Variants in DPP10 observed in about 807,000 individuals in gnomAD.
DPP10 encodes inactive dipeptidyl peptidase 10.
Under a neutral mutation model 120.9 loss-of-function variants are expected in DPP10, and 33 were observed. The ratio of observed to expected loss-of-function variants is 0.27; its 90% CI spans 0.21 to 0.37. The LOEUF (loss-of-function observed/expected upper bound fraction) is 0.37, where lower values mean the gene tolerates loss of function less well. DPP10 is among the 10% of genes least tolerant of loss of function. DPP10 has a pLI of 1.00. For synonymous variants in DPP10, 337 were observed against 326.1 expected, an observed-to-expected ratio of 1.03 and a Z score of -0.36; for missense variants, 816 against 942.8, an observed-to-expected ratio of 0.87 and a Z score of 1.76.
chr2:114,522,780 G>C (rs558427932), intron 1 of DPP10, among the ~76,000 whole-genome samples: 5 of 152,240 alleles, frequency 3.3e-5, no homozygotes, highest in South Asian at 2.1e-4. Context: ...TCACAATCAC[G>C]GCAGAAGGCA....
chr2:115,832,070 C>T (rs1688983412), intron 21 of DPP10, among the ~76,000 whole-genome samples: 1 of 152,172 alleles, frequency 6.6e-6, no homozygotes, highest in Non-Finnish European at 1.5e-5. Flanking sequence ...CTTATATCTA[C>T]CTAGAACTTA....
At chr2:115,366,534 A>G (rs1453541193) in intron 3 of DPP10, among the ~76,000 whole-genome samples, 1 of 152,134 alleles carries the variant, frequency 6.6e-6, no homozygotes, top group Admixed American at 6.6e-5. Context: ...TTGTTTTAGA[A>G]AAATATCTAG....
chr2:114,929,441 A>G (rs1431373932), intron 1 of DPP10, among the ~76,000 whole-genome samples: 1 of 152,160 alleles, frequency 6.6e-6, no homozygotes, highest in African/African-American at 2.4e-5. Context: ...CATAAGACAG[A>G]CACTCCCAGA....
chr2:115,427,421 T>G (rs1417468926), intron 3 of DPP10, among the ~76,000 whole-genome samples: 9 of 152,208 alleles, frequency 5.9e-5, no homozygotes, highest in Middle Eastern at 3.2e-3. Context: ...TTGCCAAACC[T>G]TCACTCTCGC....
At chr2:114,449,464 T>G (rs1281173085) in intron 1 of DPP10, among the ~76,000 whole-genome samples, 2 of 147,218 alleles carry the variant, frequency 1.4e-5, no homozygotes, top group Admixed American at 6.7e-5. Context: ...CACTCTGATG[T>G]TTTTCTTTTT....
intron 7 of DPP10, among the ~76,000 whole-genome samples, chr2:115,718,614 TG>T (rs2092565234): frequency 6.6e-6 from 1 of 152,228 alleles, no homozygotes; most frequent in Non-Finnish European, 1.5e-5. Flanking sequence ...CCTAAATTAA[TG>T]CCCTCATCCA....
At chr2:114,452,921 G>A (rs919171435) in intron 1 of DPP10, among the ~76,000 whole-genome samples, 11 of 152,142 alleles carry the variant, frequency 7.2e-5, no homozygotes, top group African/African-American at 2.4e-4. Context: ...CCAGTAGACA[G>A]AGTGGTTTCT....
chr2:114,963,448 G>A (rs913929319), intron 1 of DPP10, among the ~76,000 whole-genome samples: 3 of 152,048 alleles, frequency 2.0e-5, no homozygotes, highest in Non-Finnish European at 4.4e-5. Flanking sequence ...ACATCGATTC[G>A]GTAGTTAGAC....
chr2:115,263,839 A>T (rs2059351377), intron 1 of DPP10, among the ~76,000 whole-genome samples: 1 of 152,056 alleles, frequency 6.6e-6, no homozygotes, highest in Non-Finnish European at 1.5e-5. Context: ...TTGAAACTTT[A>T]TTTTTTTCTT....
At chr2:115,510,300 A>G (rs918486928) in intron 4 of DPP10, among the ~76,000 whole-genome samples, 6 of 152,140 alleles carry the variant, frequency 3.9e-5, no homozygotes, top group Non-Finnish European at 7.4e-5. Context: ...TTCTATGTTT[A>G]GTTCTATGAT....
intron 1 of DPP10, among the ~76,000 whole-genome samples, chr2:115,197,169 G>A (rs553166424): frequency 4.6e-5 from 7 of 152,134 alleles, no homozygotes; most frequent in South Asian, 2.1e-4. Flanking sequence ...CGAGGAGGGC[G>A]GATCATGAGG....
intron 1 of DPP10, among the ~76,000 whole-genome samples, chr2:114,527,211 G>A (rs1246828612): frequency 6.6e-6 from 1 of 152,164 alleles, no homozygotes; most frequent in Non-Finnish European, 1.5e-5. Flanking sequence ...TGTGTTAAAT[G>A]TGGGGTCACT....
At chr2:114,854,786 T>C (rs1453455097) in intron 1 of DPP10, among the ~76,000 whole-genome samples, 3 of 152,226 alleles carry the variant, frequency 2.0e-5, no homozygotes, top group South Asian at 2.1e-4. Context: ...ATTTCTTTTA[T>C]ATTCTTTAAT....
At chr2:114,818,937 T>C (rs1024965273) in intron 1 of DPP10, among the ~76,000 whole-genome samples, 14 of 152,204 alleles carry the variant, frequency 9.2e-5, no homozygotes, top group Non-Finnish European at 1.9e-4. Context: ...TGTTGAACTC[T>C]TATTATCAAA....
intron 1 of DPP10, among the ~76,000 whole-genome samples, chr2:115,203,062 A>G (rs1021017151): frequency 6.6e-6 from 1 of 152,190 alleles, no homozygotes; most frequent in African/African-American, 2.4e-5. Context: ...CAAGTTTAGA[A>G]AACAGTCAGC....
chr2:114,762,487 C>A (rs911305204), intron 1 of DPP10, among the ~76,000 whole-genome samples: 1 of 152,194 alleles, frequency 6.6e-6, no homozygotes, highest in Non-Finnish European at 1.5e-5. Context: ...TGGAAATATA[C>A]TTTGAAAAAA....
intron 1 of DPP10, among the ~76,000 whole-genome samples, chr2:114,525,189 A>G (rs1685401194): frequency 6.6e-6 from 1 of 152,238 alleles, no homozygotes; most frequent in Non-Finnish European, 1.5e-5. Context: ...ACTCAAAATA[A>G]ATAGATGTTA....
chr2:114,995,914 T>C (rs1209566170), intron 1 of DPP10, among the ~76,000 whole-genome samples: 1 of 152,202 alleles, frequency 6.6e-6, no homozygotes, highest in Non-Finnish European at 1.5e-5. Flanking sequence ...TCGGCAGGTA[T>C]AACCAGATAA....
intron 1 of DPP10, among the ~76,000 whole-genome samples, chr2:115,059,126 A>G (rs1467612470): frequency 3.3e-5 from 5 of 152,226 alleles, no homozygotes; most frequent in Admixed American, 1.3e-4. Context: ...GGAAGGAGAA[A>G]GAAAACAAAG....
Sources: allele counts gnomAD v4.1 joint callset (sites outside exome capture counted in the v4.1 genomes callset), GRCh38; gene constraint gnomAD v4.1.1; transcripts MANE v1.5; gene names NCBI Gene and HGNC (gene_info 2026-07-23, HGNC 2026-07-21).